Variants in ZFC3H1 observed in about 807,000 individuals in gnomAD.
ZFC3H1 encodes the protein zinc finger C3H1 domain-containing protein.
In ZFC3H1, 71 loss-of-function variants were observed where a neutral mutation model predicts 243.7. That is an observed-to-expected ratio of 0.29 (90% CI 0.24 to 0.36). The LOEUF is 0.36. Among genes scored for constraint, ZFC3H1 ranks in the 10% least tolerant of loss-of-function variants. The pLI, the probability that ZFC3H1 is intolerant of heterozygous loss-of-function variation, is 1.00. For synonymous variants in ZFC3H1, 838 were observed against 813.0 expected, an observed-to-expected ratio of 1.03 and a Z score of -0.52; for missense variants, 1,966 against 2,317.1, an observed-to-expected ratio of 0.85 and a Z score of 3.11.
In ZFC3H1 at chr12:71,632,874, T is replaced by C; in HGVS notation, c.2817+12A>G. ...GCTTTCCAAAAGTAAAATATTTCTA[T>C]AAAACCCTCACCCCAAAGCGATCTT... On this transcript the variant is annotated intron_variant, in intron 14 of 34. Transcript: ENST00000378743. 1 of 1,607,808 alleles carries C rather than the reference T, an allele frequency of 6.2e-7. No individual in the cohort carries two copies. Among genetic ancestry groups the C allele is most frequent in the African/African-American group, 1.3e-5 (1 of 74,438 alleles).
At position 71,642,567 on chromosome 12, in the gene ZFC3H1, T is replaced by C. The variant is rs745561247; in HGVS notation, c.1504-8A>G. The C allele has an allele frequency of 3.8e-6, 6 of 1,594,694 alleles. No individual in the cohort carries two copies. Among genetic ancestry groups the C allele is most frequent in the Non-Finnish European group, 5.1e-6 (6 of 1,172,642 alleles). ...CAGGTCAGGATCTGAAGACTAAGTA[T>C]ACAACACTTTTTTAGTTTCAAAGCA... On this transcript the variant is annotated splice_region_variant and splice_polypyrimidine_tract_variant and intron_variant, in intron 5 of 34. Coordinates refer to ENST00000378743, the MANE Select transcript of ZFC3H1 (RefSeq NM_144982.5).
In ZFC3H1 at chr12:71,610,543, T is replaced by C; in HGVS notation, c.5855A>G (p.Glu1952Gly). 6.2e-7 allele frequency: 1 copy of C among 1,613,444 alleles called. No homozygotes were observed. Among genetic ancestry groups the C allele is most frequent in the Non-Finnish European group, 8.5e-7 (1 of 1,179,584 alleles). ...TCTCAGGTTATCAGTTTTACCTCCTTCTGATGCTTCAAACAAGAGTTGCTG... is the reference window on the plus strand; with the variant it reads ...TCTCAGGTTATCAGTTTTACCTCCTCCTGATGCTTCAAACAAGAGTTGCTG... ...WKDQLLFEAS[E>G]GGKTDNLRKL... The change falls in exon 35 of 35, where the codon GAA (glutamate) becomes GGA (glycine). Residue 1952 changes from glutamate (E) to glycine (G), a missense_variant. Glu to Gly is a moderately conservative substitution (Grantham distance 98, BLOSUM62 -2). This residue lies in a region of ZFC3H1 where 1,383 missense variants were observed against 1,723.7 expected (regional missense o/e 0.80). Coordinates refer to ENST00000378743, the MANE Select transcript of ZFC3H1 (RefSeq NM_144982.5).
intron 7 of ZFC3H1, 35 bp downstream of exon 7, chr12:71,638,383 C>A: frequency 6.3e-7 from 1 of 1,585,766 alleles, no homozygotes; most frequent in Non-Finnish European, 8.6e-7. Context: ...AAAGACAAGA[C>A]AAAATAATTT....
Position 71,613,265 on chromosome 12 carries a change from C to T in ZFC3H1, c.5627+70G>A, listed in dbSNP as rs957757623. On this transcript the variant is annotated intron_variant, in intron 31 of 34. Transcript: ENST00000378743. ...CAACAGACTATTTTTATCAAGTTTTCAAGAATAATCTTATATAAAGAGCCT... is the reference window on the plus strand; with the variant it reads ...CAACAGACTATTTTTATCAAGTTTTTAAGAATAATCTTATATAAAGAGCCT... 5 of 1,129,720 alleles carry T rather than the reference C, an allele frequency of 4.4e-6. No homozygotes were observed. In the East Asian group the frequency reaches 1.0e-4, roughly 24 times the overall value. The allele number at this position is 1,129,720 out of a possible 1,614,324, so 70.0% of individuals were successfully genotyped here.
In ZFC3H1 at chr12:71,636,873, T is replaced by C; in HGVS notation, c.1912A>G (p.Asn638Asp). Residue 638 changes from asparagine (N) to aspartate (D), a missense_variant, in exon 8 of 35, where the codon AAT becomes GAT. Physicochemically the swap from Asn to Asp is conservative, Grantham distance 23. Transcript: ENST00000378743. ...LREELLKSLA[N>D]KRAFKPEETS... ...ACCTCTGGCTTAAAAGCTCTTTTAT[T>C]TGCTAGAGATTTAAGTAGTTCTTCT... is the stretch of plus-strand genomic sequence containing the variant. The C allele has an allele frequency of 6.2e-7, 1 of 1,614,022 alleles. No individual in the cohort carries two copies. Among genetic ancestry groups the C allele is most frequent in the East Asian group, 2.2e-5 (1 of 44,862 alleles).
In ZFC3H1 at chr12:71,630,584, G is replaced by T; in HGVS notation, c.3724+16C>A. 1 of 1,595,558 alleles carries T rather than the reference G, an allele frequency of 6.3e-7. No individual in the cohort carries two copies. ...TTCAATTTTCATTTGGGAGAGAATAGGAAGTCTTTAAAAACCTGCTGAAGC... is the reference window on the plus strand; with the variant it reads ...TTCAATTTTCATTTGGGAGAGAATATGAAGTCTTTAAAAACCTGCTGAAGC... On this transcript the variant is annotated intron_variant, in intron 18 of 34. Coordinates refer to ENST00000378743, the MANE Select transcript of ZFC3H1 (RefSeq NM_144982.5).
At chr12:71,644,377 G>A in intron 4 of ZFC3H1, 59 bp from the exon 5 acceptor site, 2 of 1,523,238 alleles carry the variant, frequency 1.3e-6, no homozygotes, top group Non-Finnish European at 1.8e-6. Flanking sequence ...AAAAATAAGA[G>A]TCTTAAAAAA....
intron 31 of ZFC3H1, 46 bp downstream of exon 31, chr12:71,613,289 C>G: frequency 7.3e-7 from 1 of 1,377,016 alleles, no homozygotes; most frequent in Non-Finnish European, 1.0e-6. Context: ...TATAAAGAGC[C>G]TATTCCATTA....
In ZFC3H1 at chr12:71,630,912, G is replaced by A. The variant is rs1478717014; in HGVS notation, c.3513C>T (p.Ser1171=). 1 of 1,612,652 alleles carries A rather than the reference G, an allele frequency of 6.2e-7. No homozygotes were observed. The change falls in exon 17 of 35, where the codon AGC becomes AGT. Residue 1171 remains serine (S), a synonymous_variant. Coordinates refer to ENST00000378743, the MANE Select transcript of ZFC3H1 (RefSeq NM_144982.5). ...CAATCATATTACTGTATGATACTGA[G>A]CTCAGGGGAAGTTTTTCCTTGGTTC... ...YYRTKEKLPL[S]SVSYSNMIEP... is the part of the protein sequence containing the mutation.
At chr12:71,615,641 T>C (rs1042445706) in intron 27 of ZFC3H1, among the ~76,000 whole-genome samples, 1 of 152,076 alleles carries the variant, frequency 6.6e-6, no homozygotes, top group Non-Finnish European at 1.5e-5. Context: ...CTCAGCTTCC[T>C]GAGTAGCTGG....
chr12:71,642,696 G>A lies in ZFC3H1; in HGVS notation c.1504-137C>T. On this transcript the variant is annotated intron_variant, in intron 5 of 34. Transcript: ENST00000378743. ...AGTTAGATGTGCCTATCACATCTTT[G>A]GGAAATTCAATTCAAATGATAGGTA... 5.1e-6 allele frequency: 5 copies of A among 985,414 alleles called. No individual in the cohort carries two copies. In the South Asian group the frequency reaches 9.7e-5, roughly 19 times the overall value. The allele number at this position is 985,414 out of a possible 1,614,324, so 61.0% of individuals were successfully genotyped here. A position where few individuals can be genotyped will look rare whatever the true frequency, so the allele number is the denominator to read the frequency against.
chr12:71,638,615 G>A, intron 6 of ZFC3H1, 100 bp from the exon 7 acceptor site: 1 of 949,654 alleles, frequency 1.1e-6, no homozygotes, highest in Non-Finnish European at 1.5e-6. Flanking sequence ...TAGGTGGAGT[G>A]CAAATTAGAT....
rs752751703 is a variant in ZFC3H1, at chr12:71,624,796, A to G, written c.4318-504T>C. Among the ~76,000 whole-genome samples, 4 of 152,116 alleles carry G rather than the reference A, an allele frequency of 2.6e-5. No individual in the cohort carries two copies. The East Asian group carries it at 7.7e-4, about 29-fold the overall frequency. On this transcript the variant is annotated intron_variant, in intron 22 of 34. Coordinates refer to ENST00000378743, the MANE Select transcript of ZFC3H1 (RefSeq NM_144982.5). ...AGCCTGGCCAATATGGTGAAACCCC[A>G]TCTGTACTAAAAATACAAAATTTAG...
At chr12:71,642,405 A>G in intron 6 of ZFC3H1, 31 bp downstream of exon 6, 3 of 1,599,208 alleles carry the variant, frequency 1.9e-6, no homozygotes, top group Non-Finnish European at 2.6e-6. Context: ...ATACATGTAA[A>G]TACACAAAGG....
chr12:71,623,685 A>G, intron 23 of ZFC3H1, 88 bp from the exon 24 acceptor site: 1 of 937,932 alleles, frequency 1.1e-6, no homozygotes, highest in Non-Finnish European at 1.6e-6. Context: ...AGTTTATGAA[A>G]TAATAAAAAG....
Position 71,634,188 on chromosome 12 carries a change from A to T in ZFC3H1, c.2477T>A (p.Val826Asp). ...TTTCAGTTTTGATTCTGCATCTGTA[A>T]CCTGCTTAGTAACCATTGCTATCCT... Reference protein sequence around the residue: ...IGRIAMVTKQVTDAESKLKKH... With the variant: ...IGRIAMVTKQDTDAESKLKKH... Residue 826 changes from valine (V) to aspartate (D), a missense_variant, in exon 12 of 35, where the codon GTT becomes GAT. This residue lies in a region of ZFC3H1 where 1,383 missense variants were observed against 1,723.7 expected (regional missense o/e 0.80). Transcript: ENST00000378743. The T allele has an allele frequency of 6.2e-7, 1 of 1,613,614 alleles. No homozygotes were observed. Among genetic ancestry groups the T allele is most frequent in the Non-Finnish European group, 8.5e-7 (1 of 1,179,834 alleles).
At chr12:71,652,512 C>G (rs1880915002) in intron 2 of ZFC3H1, among the ~76,000 whole-genome samples, 1 of 152,176 alleles carries the variant, frequency 6.6e-6, no homozygotes, top group Non-Finnish European at 1.5e-5. Context: ...GCCCTCTGTG[C>G]CTGTCTACTC....
intron 3 of ZFC3H1, among the ~76,000 whole-genome samples, chr12:71,646,941 G>A (rs1460575247): frequency 1.3e-5 from 2 of 152,058 alleles, no homozygotes; most frequent in East Asian, 3.9e-4. Context: ...TGTAACTTTA[G>A]GCAAGTCACT....
intron 24 of ZFC3H1, 32 bp downstream of exon 24, chr12:71,623,328 T>C (rs1880079449): frequency 2.0e-6 from 3 of 1,516,988 alleles, no homozygotes; most frequent in African/African-American, 1.4e-5. Flanking sequence ...GTTATAACAG[T>C]TGATATTACA....
Sources: allele counts gnomAD v4.1 joint callset (sites outside exome capture counted in the v4.1 genomes callset), GRCh38; gene constraint gnomAD v4.1.1; regional missense constraint gnomAD v4.1.1; transcripts MANE v1.5; gene names NCBI Gene and HGNC (gene_info 2026-07-23, HGNC 2026-07-21).